TJP1: variants seen among roughly 807,000 people sequenced by gnomAD.
The protein encoded by TJP1 is tight junction protein 1.
A neutral mutation model predicts 194.2 loss-of-function variants in TJP1; 43 were observed. That is an observed-to-expected ratio of 0.22 (90% CI 0.17 to 0.29). The LOEUF (loss-of-function observed/expected upper bound fraction) is 0.29, where lower values mean the gene tolerates loss of function less well. TJP1 is among the 10% of genes least tolerant of loss of function. TJP1 has a pLI of 1.00. For synonymous variants in TJP1, 801 were observed against 779.0 expected (o/e 1.03, Z -0.47); for missense variants, 1,971 against 2,185.7 (o/e 0.90, Z 1.96).
intron 2 of TJP1, among the ~76,000 whole-genome samples, chr15:29,949,551 C>CT (rs2055509430): frequency 7.1e-6 from 1 of 139,992 alleles, no homozygotes; most frequent in Non-Finnish European, 1.6e-5. Context: ...ACCACCTCCA[C>CT]AACCACCACC....
At chr15:29,918,484 G>T (rs754919789) in intron 2 of TJP1, among the ~76,000 whole-genome samples, 1 of 152,140 alleles carries the variant, frequency 6.6e-6, no homozygotes, top group East Asian at 1.9e-4. Flanking sequence ...CCTGTAATCC[G>T]AGTACTGTGG....
intron 25 of TJP1, among the ~76,000 whole-genome samples, chr15:29,706,521 G>C (rs2041909799): frequency 6.6e-6 from 1 of 152,066 alleles, no homozygotes; most frequent in South Asian, 2.1e-4. Flanking sequence ...AAAAACCCAA[G>C]ATATGAGACA....
chr15:29,732,566 AC>A, intron 14 of TJP1, 38 bp from the exon 15 acceptor site: 1 of 1,613,348 alleles, frequency 6.2e-7, no homozygotes, highest in African/African-American at 1.3e-5. Context: ...CATATTTTAT[AC>A]CTTTTCTTTC....
At chr15:29,929,218 G>A (rs1184362309) in intron 2 of TJP1, among the ~76,000 whole-genome samples, 1 of 152,038 alleles carries the variant, frequency 6.6e-6, no homozygotes, top group East Asian at 1.9e-4. Flanking sequence ...TATGGACACA[G>A]TTTTAAAAAA....
At chr15:29,833,873 ATATATATATTT>A (rs1427634562) in intron 2 of TJP1, among the ~76,000 whole-genome samples, 3 of 18,152 alleles carry the variant, frequency 1.7e-4, no homozygotes, top group African/African-American at 5.3e-4. Flanking sequence ...ATATATATAT[ATATATATATTT>A]TTTTTTTTTT....
At chr15:29,837,482 C>T (rs372522440) in intron 2 of TJP1, among the ~76,000 whole-genome samples, 9 of 151,992 alleles carry the variant, frequency 5.9e-5, no homozygotes, top group African/African-American at 1.2e-4. Context: ...CACTTGAACC[C>T]GGGAGGCGGA....
chr15:29,844,529 C>T (rs1013055784), intron 2 of TJP1, among the ~76,000 whole-genome samples: 1 of 152,102 alleles, frequency 6.6e-6, no homozygotes, highest in African/African-American at 2.4e-5. Context: ...GGACTCCAGA[C>T]ACATGGTGAA....
At chr15:29,925,201 C>T (rs940869719) in intron 2 of TJP1, among the ~76,000 whole-genome samples, 14 of 152,256 alleles carry the variant, frequency 9.2e-5, no homozygotes, top group African/African-American at 3.4e-4. Flanking sequence ...CAAGCTGTTA[C>T]ACTTTCTGCA....
chr15:29,898,793 C>A (rs2053553531), intron 2 of TJP1, among the ~76,000 whole-genome samples: 1 of 152,162 alleles, frequency 6.6e-6, no homozygotes, highest in Non-Finnish European at 1.5e-5. Context: ...TAAAATTCAA[C>A]ATACTTTTTC....
chr15:29,838,991 C>T (rs1054159705), intron 2 of TJP1, among the ~76,000 whole-genome samples: 1 of 116,056 alleles, frequency 8.6e-6, no homozygotes, highest in African/African-American at 3.1e-5. Flanking sequence ...TAAAAATTCA[C>T]CTTTTTTTTT....
At chr15:29,912,395 A>C (rs1362352455) in intron 2 of TJP1, among the ~76,000 whole-genome samples, 1 of 152,200 alleles carries the variant, frequency 6.6e-6, no homozygotes, top group Non-Finnish European at 1.5e-5. Flanking sequence ...GTAGTGAAAA[A>C]CAGAAATATT....
intron 1 of TJP1, among the ~76,000 whole-genome samples, chr15:29,811,611 T>C (rs1202235958): frequency 1.3e-5 from 2 of 152,234 alleles, no homozygotes; most frequent in Admixed American, 6.5e-5. Flanking sequence ...CTTTCAACTC[T>C]ATTGCCTAAT....
chr15:29,782,253 A>G (rs2047410541), intron 2 of TJP1, among the ~76,000 whole-genome samples: 1 of 152,188 alleles, frequency 6.6e-6, no homozygotes, highest in Non-Finnish European at 1.5e-5. Context: ...AATCCTAAGC[A>G]AAAAGAACAA....
intron 1 of TJP1, among the ~76,000 whole-genome samples, chr15:29,961,148 C>A (rs2056140727): frequency 6.6e-6 from 1 of 152,030 alleles, no homozygotes; most frequent in African/African-American, 2.4e-5. Flanking sequence ...AATATAAATT[C>A]TTTTAATCCC....
chr15:29,873,215 T>C (rs1209416013), intron 2 of TJP1, among the ~76,000 whole-genome samples: 1 of 152,196 alleles, frequency 6.6e-6, no homozygotes, highest in Non-Finnish European at 1.5e-5. Context: ...AGCATTTCTT[T>C]TGAGGTCCGT....
In TJP1 at chr15:29,718,608, G is replaced by C. The variant is rs376437256; in HGVS notation, c.3534C>G (p.His1178Gln). 96 of 1,614,086 alleles carry C rather than the reference G, an allele frequency of 5.9e-5. No individual in the cohort carries two copies. Among genetic ancestry groups the C allele is most frequent in the Non-Finnish European group, 7.6e-5 (90 of 1,180,048 alleles). ...HGRLRPEAQP[H>Q]PSAGPKPAES... ...CTGCAGGCTTGGGCCCTGCTGAAGG[G>C]TGGGGCTGGGCTTCCGGTCTGAGTC... The change falls in exon 21 of 28, where the codon CAC becomes CAG. Residue 1178 changes from histidine (H) to glutamine (Q), a missense_variant. Transcript: ENST00000614355.
chr15:29,959,617 G>A (rs1485111325), intron 1 of TJP1, among the ~76,000 whole-genome samples: 3 of 152,082 alleles, frequency 2.0e-5, no homozygotes, highest in Non-Finnish European at 4.4e-5. Flanking sequence ...GGACAGCCCT[G>A]CCTCTCTGAC....
intron 5 of TJP1, among the ~76,000 whole-genome samples, chr15:29,763,801 G>C (rs186565314): frequency 6.6e-6 from 1 of 150,680 alleles, no homozygotes; most frequent in East Asian, 2.0e-4. Flanking sequence ...CAGAATTACA[G>C]TTTAACTTAA....
rs75494474 is a variant in TJP1 at position 29,816,224 on chromosome 15, C to T, written c.27+5778G>A. 5.2e-3 allele frequency among the ~76,000 whole-genome samples: 787 copies of T among 152,076 alleles called. 3 individuals are homozygous for T. The highest frequency in any genetic ancestry group is 8.9e-3 in the Non-Finnish European group (604 of 67,980). ...TGTATTTTTAGTAGAGACGGGGTTT[C>T]GGCCGTGTTGGTTGTGCTGGTCTTG... On this transcript the variant is annotated intron_variant, in intron 1 of 27. Transcript: ENST00000614355.
Sources: allele counts gnomAD v4.1 joint callset (sites outside exome capture counted in the v4.1 genomes callset), GRCh38; gene constraint gnomAD v4.1.1; transcripts MANE v1.5; gene names NCBI Gene and HGNC (gene_info 2026-07-23, HGNC 2026-07-21).